DYSF: variants seen among roughly 807,000 people sequenced by gnomAD.
DYSF encodes dysferlin.
DYSF carries 212 observed loss-of-function variants against 274.9 expected under a neutral mutation model. That is an observed-to-expected ratio of 0.77 (90% confidence interval 0.69 to 0.86). The LOEUF is 0.86. DYSF is among the 40% of genes least tolerant of loss of function. The probability of loss-of-function intolerance (pLI) is 0.00; values close to 1 mark genes in which losing one functional copy is unlikely to be tolerated. For missense variants in DYSF, 2,666 were observed against 2,783.2 expected (o/e 0.96, Z 0.95); for synonymous variants, 1,091 against 1,078.7 (o/e 1.01, Z -0.22).
chr2:71,520,218 C>T lies in DYSF; in HGVS notation c.1033+10C>T. 6.2e-7 allele frequency: 1 copy of T among 1,614,186 alleles called. No homozygotes were observed. The highest frequency in any genetic ancestry group is 8.5e-7 in the Non-Finnish European group (1 of 1,180,032). ...ATTTACAGAGAGCCCCGTGAGTTCT[C>T]ACCACTTTGGCCGTATCCTTGCATT... On this transcript the variant is annotated intron_variant, in intron 11 of 55. Coordinates refer to ENST00000410020, the MANE Select transcript of DYSF (RefSeq NM_001130987.2).
At chr2:71,537,310 G>C (rs989438399) in intron 16 of DYSF, among the ~76,000 whole-genome samples, 3 of 143,268 alleles carry the variant, frequency 2.1e-5, no homozygotes, top group Non-Finnish European at 4.5e-5. Context: ...CCAATGGCGT[G>C]ATCTTGGCTC....
chr2:71,551,915 G>T (rs935982941), intron 19 of DYSF, among the ~76,000 whole-genome samples, 195 bp downstream of exon 19: 36 of 152,254 alleles, frequency 2.4e-4, no homozygotes, highest in African/African-American at 8.7e-4. Context: ...TCCCTGGAGG[G>T]ATGATCAGAG....
In DYSF at chr2:71,679,155, T is replaced by C; in HGVS notation, c.5983T>C (p.Phe1995Leu). 1 of 1,613,672 alleles carries C rather than the reference T, an allele frequency of 6.2e-7. No homozygotes were observed. The highest frequency in any genetic ancestry group is 8.5e-7 in the Non-Finnish European group (1 of 1,179,894). The change falls in exon 53 of 56, where the codon TTT (phenylalanine) becomes CTT (leucine). Residue 1995 changes from phenylalanine (F) to leucine (L), a missense_variant. Physicochemically the swap from Phe to Leu is conservative, Grantham distance 22. Around this residue, in one of 3 missense-constraint regions of DYSF, gnomAD observed 1,460 missense variants for 1,502.1 expected, o/e 0.97. Coordinates refer to ENST00000410020, the MANE Select transcript of DYSF (RefSeq NM_001130987.2). ...QLDDAFHPEWFVSLFEQKTVK... is the reference protein window; with the variant it reads ...QLDDAFHPEWLVSLFEQKTVK... Reference sequence around the variant, plus strand: ...GGATGATGCTTTCCACCCAGAATGGTTTGTGTCCCTTTTTGAGCAGAAAAC... The same window carrying C: ...GGATGATGCTTTCCACCCAGAATGGCTTGTGTCCCTTTTTGAGCAGAAAAC...
In DYSF at chr2:71,686,581, A is replaced by G; in HGVS notation, c.*89A>G. Reference sequence around the variant, plus strand: ...TCCGCCCAGCTCGGCGAGCTCCTCCAGACCTCCTAGGCCTGATTGTCCTGC... The same window carrying G: ...TCCGCCCAGCTCGGCGAGCTCCTCCGGACCTCCTAGGCCTGATTGTCCTGC... On this transcript the variant is annotated 3_prime_UTR_variant, in exon 56 of 56. Transcript: ENST00000410020. 6.1e-6 allele frequency: 9 copies of G among 1,484,546 alleles called. No individual in the cohort carries two copies. The highest frequency in any genetic ancestry group is 8.4e-6 in the Non-Finnish European group (9 of 1,067,492). 92.0% of individuals were successfully genotyped at this position (1,484,546 alleles called of 1,614,324 possible). A position where few individuals can be genotyped will look rare whatever the true frequency, so the allele number is the denominator to read the frequency against.
chr2:71,612,709 C>A lies in DYSF; in HGVS notation c.4290C>A (p.Gly1430=). 1 of 1,614,188 alleles carries A rather than the reference C, an allele frequency of 6.2e-7. No individual in the cohort carries two copies. The highest frequency in any genetic ancestry group is 8.5e-7 in the Non-Finnish European group (1 of 1,180,040). ...AGGTCATCGATAACCGCCAGTTTGG[C>A]CGCCGGCCTGTGGTGGGCCAGTGTA... The part of the protein sequence containing the change: ...TVKVIDNRQF[G]RRPVVGQCTI... Residue 1430 remains glycine, a synonymous_variant, in exon 39 of 56, where the codon GGC becomes GGA. Coordinates refer to ENST00000410020, the MANE Select transcript of DYSF (RefSeq NM_001130987.2).
chr2:71,468,512 C>T (rs1042036489), intron 1 of DYSF, among the ~76,000 whole-genome samples: 7 of 152,186 alleles, frequency 4.6e-5, no homozygotes, highest in Non-Finnish European at 1.0e-4. Context: ...ATTGCCCTCG[C>T]CCAAGTACCC....
At chr2:71,618,436 T>A (rs1469820733) in intron 40 of DYSF, among the ~76,000 whole-genome samples, 1 of 106,462 alleles carries the variant, frequency 9.4e-6, no homozygotes, top group Non-Finnish European at 1.8e-5. Flanking sequence ...AGAGGTGGGG[T>A]GTGTGTGGTA....
At chr2:71,525,264 GC>G (rs1187551132) in intron 12 of DYSF, among the ~76,000 whole-genome samples, 1 of 152,046 alleles carries the variant, frequency 6.6e-6, no homozygotes, top group East Asian at 1.9e-4. Flanking sequence ...TCACTTTGTT[GC>G]CCAGGCTGGA....
chr2:71,603,629 T>A (rs2093593784), intron 36 of DYSF, among the ~76,000 whole-genome samples: 1 of 152,190 alleles, frequency 6.6e-6, no homozygotes, highest in African/African-American at 2.4e-5. Context: ...TCACTTCCTT[T>A]TGCTCCCAGA....
At chr2:71,517,405 C>T (rs2086773210) in intron 10 of DYSF, among the ~76,000 whole-genome samples, 1 of 152,162 alleles carries the variant, frequency 6.6e-6, no homozygotes, top group African/African-American at 2.4e-5. Context: ...TATGCCCCAC[C>T]CTCAGGTCAG....
intron 41 of DYSF, among the ~76,000 whole-genome samples, chr2:71,643,713 C>T (rs986348171): frequency 2.0e-5 from 3 of 152,204 alleles, no homozygotes; most frequent in African/African-American, 7.2e-5. Context: ...CAGAAACACA[C>T]ATGCTTGGGG....
At chr2:71,486,138 C>A (rs2083341737) in intron 3 of DYSF, among the ~76,000 whole-genome samples, 1 of 152,112 alleles carries the variant, frequency 6.6e-6, no homozygotes, top group South Asian at 2.1e-4. Context: ...CCGGAGTCAT[C>A]ATGCAGCCAC....
At position 71,453,962 on chromosome 2, in the gene DYSF, T is replaced by C. The variant is rs779998277; in HGVS notation, c.-37T>C. ...CCTCCCGACCTTTCCGAGCCCTCTT[T>C]GCGCCCTGGGCGCACGGGGCCCTAC... On this transcript the variant is annotated 5_prime_UTR_variant, in exon 1 of 55. Coordinates refer to the DYSF transcript ENST00000258104. The C allele has an allele frequency of 9.9e-6, 16 of 1,610,918 alleles. No individual in the cohort carries two copies. The African/African-American group carries it at 1.9e-4, about 19-fold the overall frequency.
chr2:71,618,357 G>A (rs1574395053), intron 40 of DYSF, among the ~76,000 whole-genome samples: 2 of 5,090 alleles, frequency 3.9e-4, no homozygotes, highest in Non-Finnish European at 8.4e-4. Flanking sequence ...AGGGGTGTGT[G>A]TGTGGTAGAG....
At chr2:71,511,136 C>T (rs987895906) in intron 4 of DYSF, among the ~76,000 whole-genome samples, 2 of 152,146 alleles carry the variant, frequency 1.3e-5, no homozygotes, top group Non-Finnish European at 2.9e-5. Context: ...GTGGGGTGGG[C>T]GCATGGGCAA....
chr2:71,603,231 A>T (rs1016835389), intron 36 of DYSF, among the ~76,000 whole-genome samples: 2 of 152,132 alleles, frequency 1.3e-5, no homozygotes, highest in Admixed American at 6.5e-5. Context: ...TTTGGCTCAA[A>T]AGGCCAAGGA....
chr2:71,663,191 C>T (rs139592613), intron 45 of DYSF, among the ~76,000 whole-genome samples: 41 of 152,274 alleles, frequency 2.7e-4, no homozygotes, highest in Non-Finnish European at 4.9e-4. Flanking sequence ...TGCCCACCAC[C>T]GCTGTCATCC....
chr2:71,590,841 A>G (rs916276668), intron 32 of DYSF, among the ~76,000 whole-genome samples: 4 of 151,950 alleles, frequency 2.6e-5, no homozygotes, highest in Non-Finnish European at 5.9e-5. Flanking sequence ...TGAGGATTCT[A>G]CCTCCTGAAT....
At chr2:71,510,730 G>GAGCCACT (rs1403380727) in intron 4 of DYSF, among the ~76,000 whole-genome samples, 1 of 152,242 alleles carries the variant, frequency 6.6e-6, no homozygotes, top group Non-Finnish European at 1.5e-5. Flanking sequence ...AACTGTGCCA[G>GAGCCACT]AGCCACTCAG....
Sources: allele counts gnomAD v4.1 joint callset (sites outside exome capture counted in the v4.1 genomes callset), GRCh38; gene constraint gnomAD v4.1.1; regional missense constraint gnomAD v4.1.1; transcripts MANE v1.5; gene names NCBI Gene and HGNC (gene_info 2026-07-23, HGNC 2026-07-21).